The following TVP23B variants were observed in gnomAD, a reference collection of about 807,000 sequenced individuals.
TVP23B encodes the protein Golgi apparatus membrane protein TVP23 homolog B.
A neutral mutation model predicts 30.6 loss-of-function variants in TVP23B; 10 were observed. The ratio of observed to expected loss-of-function variants is 0.33; its 90% CI spans 0.20 to 0.55. The LOEUF (loss-of-function observed/expected upper bound fraction) is 0.55, where lower values mean the gene tolerates loss of function less well. Ranked by LOEUF, TVP23B falls within the 20% of genes least tolerant of loss-of-function variation. TVP23B has a pLI of 0.91. For missense variants in TVP23B, 153 were observed against 243.2 expected (o/e 0.63, Z 2.47); for synonymous variants, 67 against 83.1 (o/e 0.81, Z 1.06).
chr17:18,793,130 T>A (rs2036021788), intron 3 of TVP23B, among the ~76,000 whole-genome samples: 1 of 152,082 alleles, frequency 6.6e-6, no homozygotes, highest in Non-Finnish European at 1.5e-5. Context: ...CTGGGCAGCA[T>A]GAGGCCTGTG....
chr17:18,794,774 CT>C (rs71155357), intron 3 of TVP23B, among the ~76,000 whole-genome samples: 45,767 of 144,334 alleles, frequency 0.32, 7,428 homozygotes, highest in East Asian at 0.62. Context: ...CTTGCCAGCT[CT>C]TTTTTTTTTT....
In TVP23B at chr17:18,791,119, T is replaced by G. The variant is rs1231000102; in HGVS notation, c.240+79T>G. On this transcript the variant is annotated intron_variant, in intron 3 of 6. Coordinates refer to ENST00000307767, the MANE Select transcript of TVP23B (RefSeq NM_016078.6). ...AAAAATATGAGTTAGCATTTTGCAT[T>G]ATTGTTAATCTTTTGTTACTTCAAA... 256 of 1,501,498 alleles carry G rather than the reference T, an allele frequency of 1.7e-4. No individual in the cohort carries two copies. In the Middle Eastern group the frequency reaches 2.0e-3, roughly 12 times the overall value. The allele number at this position is 1,501,498 out of a possible 1,614,324, so 93.0% of individuals were successfully genotyped here.
Sources: allele counts gnomAD v4.1 joint callset (sites outside exome capture counted in the v4.1 genomes callset), GRCh38; gene constraint gnomAD v4.1.1; transcripts MANE v1.5; gene names NCBI Gene and HGNC (gene_info 2026-07-23, HGNC 2026-07-21).